Variants in EHBP1 observed in about 807,000 individuals in gnomAD.
The protein encoded by EHBP1 is EH domain binding protein 1.
In EHBP1, 55 loss-of-function variants were observed where a neutral mutation model predicts 144.0. The ratio of observed to expected loss-of-function variants is 0.38; its 90% CI spans 0.31 to 0.48. EHBP1 has a LOEUF of 0.48. EHBP1 is among the 20% of genes least tolerant of loss of function. The pLI is 0.98. For synonymous variants in EHBP1, 469 were observed against 472.7 expected (o/e 0.99, Z 0.10); for missense variants, 1,200 against 1,364.2 (o/e 0.88, Z 1.90).
intron 7 of EHBP1, 80 bp downstream of exon 7, chr2:62,831,238 A>C: frequency 1.5e-6 from 2 of 1,375,394 alleles, no homozygotes; most frequent in Non-Finnish European, 2.0e-6. Flanking sequence ...CCAGGAAAAA[A>C]CAATTCTACT....
chr2:62,904,306 T>TA (rs1019271163), intron 10 of EHBP1, among the ~76,000 whole-genome samples: 17 of 152,206 alleles, frequency 1.1e-4, no homozygotes, highest in Non-Finnish European at 2.4e-4. Context: ...GTAGTGGTCT[T>TA]TCTCAAATAT....
intron 7 of EHBP1, among the ~76,000 whole-genome samples, chr2:62,839,782 G>A (rs940157171): frequency 9.2e-5 from 14 of 152,144 alleles, no homozygotes; most frequent in African/African-American, 3.1e-4. Context: ...AACTTAAAAG[G>A]GATGTGAAGC....
chr2:62,864,441 A>G (rs2152812764), intron 8 of EHBP1, among the ~76,000 whole-genome samples: 1 of 152,328 alleles, frequency 6.6e-6, no homozygotes, highest in South Asian at 2.1e-4. Context: ...TCATAATGTT[A>G]ATACTGTTAG....
intron 7 of EHBP1, among the ~76,000 whole-genome samples, chr2:62,844,323 T>G (rs545341832): frequency 6.6e-6 from 1 of 152,292 alleles, no homozygotes; most frequent in African/African-American, 2.4e-5. Flanking sequence ...GATACATATC[T>G]GGGGACTAGC....
chr2:63,033,106 C>G (rs1299224793), intron 19 of EHBP1, among the ~76,000 whole-genome samples: 1 of 152,116 alleles, frequency 6.6e-6, no homozygotes, highest in African/African-American at 2.4e-5. Context: ...GCACTGGAGT[C>G]CTGCAATAAT....
chr2:62,843,988 C>T (rs1425042589), intron 7 of EHBP1, among the ~76,000 whole-genome samples: 1 of 152,078 alleles, frequency 6.6e-6, no homozygotes, highest in Non-Finnish European at 1.5e-5. Flanking sequence ...TTAATTATAT[C>T]TTAATATTAT....
At chr2:62,873,597 T>C (rs931170248) in intron 9 of EHBP1, among the ~76,000 whole-genome samples, 1 of 151,990 alleles carries the variant, frequency 6.6e-6, no homozygotes, top group Non-Finnish European at 1.5e-5. Context: ...ATAAAACACA[T>C]GACTCTTCAG....
intron 10 of EHBP1, among the ~76,000 whole-genome samples, chr2:62,930,306 G>T (rs996043589): frequency 3.3e-5 from 5 of 152,012 alleles, no homozygotes; most frequent in African/African-American, 9.7e-5. Context: ...AAATATTTAG[G>T]AATTAACTTG....
chr2:62,710,082 T>C (rs60767232), intron 2 of EHBP1, among the ~76,000 whole-genome samples: 2,443 of 152,200 alleles, frequency 0.016, 60 homozygotes, highest in African/African-American at 0.055. Context: ...TGGAGATGAG[T>C]TTGAAAGAGA....
chr2:62,899,675 C>T (rs556762223), intron 10 of EHBP1, among the ~76,000 whole-genome samples: 13 of 152,150 alleles, frequency 8.5e-5, no homozygotes, highest in Admixed American at 2.6e-4. Flanking sequence ...AAAGTTTCAA[C>T]GATGATGGTG....
At chr2:62,869,000 T>C (rs1213663694) in intron 9 of EHBP1, among the ~76,000 whole-genome samples, 8 of 152,062 alleles carry the variant, frequency 5.3e-5, no homozygotes, top group Non-Finnish European at 1.2e-4. Flanking sequence ...GGGGGAAATA[T>C]TCCAACAGAC....
At chr2:62,944,318 A>C (rs1300886961) in intron 12 of EHBP1, among the ~76,000 whole-genome samples, 1 of 152,220 alleles carries the variant, frequency 6.6e-6, no homozygotes, top group African/African-American at 2.4e-5. Context: ...TTGCGCTGCA[A>C]AACAACATTT....
intron 10 of EHBP1, chr2:62,940,072 T>C: frequency 2.3e-6 from 1 of 429,316 alleles, no homozygotes; most frequent in Non-Finnish European, 4.7e-6. Context: ...GAAAAGAATC[T>C]CAAAGTGAAA....
chr2:63,045,570 CATT>C lies in EHBP1; in HGVS notation c.*71_*73del. 3.1e-6 allele frequency: 4 copies of C among 1,289,552 alleles called. No individual in the cohort carries two copies. The highest frequency in any genetic ancestry group is 2.5e-5 in the East Asian group (1 of 40,362). The allele number at this position is 1,289,552 out of a possible 1,614,324, so 79.9% of individuals were successfully genotyped here. On this transcript the variant is annotated 3_prime_UTR_variant, in exon 23 of 23. Transcript: ENST00000431489. This position sits in a 1 kb window ranked among gnomAD's most constrained non-coding sequence, Gnocchi z 5.7. The stretch of plus-strand genomic sequence containing the variant: ...TTCCCAAACCAGAAAAAGTCAGACT[CATT>C]GTTGATTTAAAACTTTTAACATTTT...
intron 10 of EHBP1, among the ~76,000 whole-genome samples, chr2:62,930,262 CA>C (rs1312755483): frequency 6.6e-6 from 1 of 151,516 alleles, no homozygotes; most frequent in African/African-American, 2.4e-5. Context: ...CAAAACAAAA[CA>C]AAAAAACAAA....
intron 3 of EHBP1, among the ~76,000 whole-genome samples, chr2:62,762,871 C>T (rs2040872113): frequency 6.6e-6 from 1 of 151,972 alleles, no homozygotes; most frequent in Non-Finnish European, 1.5e-5. Context: ...CTCCTTGAAA[C>T]CCTCCAGTGG....
At chr2:62,706,582 T>C (rs1391024569) in intron 1 of EHBP1, 1 of 152,666 alleles carries the variant, frequency 6.6e-6, no homozygotes, top group Non-Finnish European at 1.5e-5. Flanking sequence ...ATCCCTAGAC[T>C]TTCCCGCTCT....
chr2:62,700,953 A>G (rs991207223), upstream of EHBP1, among the ~76,000 whole-genome samples: 1 of 152,176 alleles, frequency 6.6e-6, no homozygotes, highest in African/African-American at 2.4e-5. Flanking sequence ...AAATATTTCT[A>G]TTAGCTCTCA....
chr2:62,856,741 T>G lies in EHBP1; in HGVS notation c.635-2428T>G, dbSNP rs138684479. Among the ~76,000 whole-genome samples the G allele has an allele frequency of 5.9e-3, 898 of 152,344 alleles. 16 individuals are homozygous for G. The highest frequency in any genetic ancestry group is 0.02 in the African/African-American group (824 of 41,574). On this transcript the variant is annotated intron_variant, in intron 7 of 22. Transcript: ENST00000431489. ...AATTACCAAAATATGACACACACATTAAGTGAGCACATCCTGTTGGAAGAA... is the reference window on the plus strand; with the variant it reads ...AATTACCAAAATATGACACACACATGAAGTGAGCACATCCTGTTGGAAGAA...
Sources: gnomAD v4.1 joint callset for allele counts (sites outside exome capture counted in the v4.1 genomes callset) on GRCh38, gnomAD v4.1.1 for gene constraint, Gnocchi (gnomAD v3.1) non-coding constraint, MANE v1.5 for transcripts, NCBI Gene and HGNC (gene_info 2026-07-23, HGNC 2026-07-21) for gene names.